PLPPR5: variants seen among roughly 807,000 people sequenced by gnomAD.
PLPPR5 encodes phospholipid phosphatase related 5.
PLPPR5 carries 16 observed loss-of-function variants against 33.9 expected under a neutral mutation model. The ratio of observed to expected loss-of-function variants is 0.47; its 90% confidence interval spans 0.32 to 0.72. PLPPR5 has a LOEUF of 0.72. Among genes scored for constraint, PLPPR5 ranks in the 30% least tolerant of loss-of-function variants. The pLI is 0.03. For missense variants in PLPPR5, 301 were observed against 406.7 expected (o/e 0.74, Z 2.23); for synonymous variants, 163 against 150.3 (o/e 1.08, Z -0.62).
chr1:98,983,176 C>T (rs1363143815), intron 1 of PLPPR5, among the ~76,000 whole-genome samples: 22 of 150,880 alleles, frequency 1.5e-4, no homozygotes, highest in Admixed American at 7.3e-4. Context: ...CATGCTGGTG[C>T]GCTGCACCCA....
chr1:98,957,873 A>T (rs1248878928), intron 1 of PLPPR5, among the ~76,000 whole-genome samples: 1 of 152,210 alleles, frequency 6.6e-6, no homozygotes, highest in Non-Finnish European at 1.5e-5. Context: ...TTATTAAAGG[A>T]CCTGGCTATC....
At chr1:98,941,475 G>A (rs887412478) in intron 3 of PLPPR5, among the ~76,000 whole-genome samples, 2 of 151,514 alleles carry the variant, frequency 1.3e-5, no homozygotes, top group African/African-American at 4.8e-5. Context: ...GTGAGAAAGT[G>A]TAAAATAGTC....
intron 5 of PLPPR5, among the ~76,000 whole-genome samples, chr1:98,905,801 C>A (rs182682446): frequency 2.0e-5 from 3 of 152,024 alleles, no homozygotes; most frequent in African/African-American, 7.2e-5. Context: ...TAAACATTTT[C>A]TGTACTTTTT....
intron 1 of PLPPR5, among the ~76,000 whole-genome samples, chr1:98,957,179 AC>A (rs1249433413): frequency 8.7e-6 from 1 of 114,286 alleles, no homozygotes; most frequent in African/African-American, 3.3e-5. Context: ...CACTCTGGGG[AC>A]TGTTGTGGGG....
intron 5 of PLPPR5, among the ~76,000 whole-genome samples, chr1:98,898,061 T>C (rs1648547598): frequency 6.6e-6 from 1 of 152,156 alleles, no homozygotes. Context: ...CGATCTTCAA[T>C]GCTCATATCC....
At chr1:98,919,337 C>A (rs1649467254) in intron 4 of PLPPR5, among the ~76,000 whole-genome samples, 1 of 152,168 alleles carries the variant, frequency 6.6e-6, no homozygotes, top group Non-Finnish European at 1.5e-5. Flanking sequence ...GGCATTGAGT[C>A]TGGGTGACTG....
At chr1:98,935,932 C>G (rs1288781158) in intron 3 of PLPPR5, among the ~76,000 whole-genome samples, 1 of 152,056 alleles carries the variant, frequency 6.6e-6, no homozygotes, top group African/African-American at 2.4e-5. Context: ...GGTAAGGGAC[C>G]TGGAATTCTG....
chr1:98,899,405 G>A (rs72728591), intron 5 of PLPPR5, among the ~76,000 whole-genome samples: 25,705 of 152,218 alleles, frequency 0.17, 2,420 homozygotes, highest in Non-Finnish European at 0.21. Context: ...GAGTACCACT[G>A]CCTAAAGGTG....
chr1:99,000,019 T>C (rs569764489), intron 1 of PLPPR5, among the ~76,000 whole-genome samples: 3 of 152,274 alleles, frequency 2.0e-5, no homozygotes, highest in South Asian at 2.1e-4. Flanking sequence ...TAAGGAACAA[T>C]AGCTGCTAGC....
intron 1 of PLPPR5, among the ~76,000 whole-genome samples, chr1:98,983,929 T>A (rs569657163): frequency 1.3e-5 from 2 of 149,916 alleles, no homozygotes; most frequent in African/African-American, 4.9e-5. Flanking sequence ...GCCCACTTTT[T>A]GATGGGTTGT....
intron 5 of PLPPR5, among the ~76,000 whole-genome samples, chr1:98,903,901 G>T (rs1480961165): frequency 2.6e-5 from 4 of 152,248 alleles, no homozygotes; most frequent in African/African-American, 9.6e-5. Flanking sequence ...CTACATTCCA[G>T]TTCACATTTC....
At chr1:98,950,861 AT>A (rs201660427) in intron 3 of PLPPR5, among the ~76,000 whole-genome samples, 3 of 150,520 alleles carry the variant, frequency 2.0e-5, no homozygotes, top group South Asian at 2.1e-4. Context: ...GGTTTTGCTT[AT>A]TTTTTTTTCT....
intron 3 of PLPPR5, among the ~76,000 whole-genome samples, chr1:98,952,458 C>T (rs1650826795): frequency 6.6e-6 from 1 of 152,020 alleles, no homozygotes. Flanking sequence ...ATGGGTAATG[C>T]ACTCACTCAC....
chr1:98,987,518 A>G (rs946584712), intron 1 of PLPPR5, among the ~76,000 whole-genome samples: 1 of 151,880 alleles, frequency 6.6e-6, no homozygotes, highest in African/African-American at 2.4e-5. Flanking sequence ...ATCTTTAACT[A>G]TGGTCATTTT....
chr1:98,985,018 T>C (rs901552621), intron 1 of PLPPR5, among the ~76,000 whole-genome samples: 1 of 152,076 alleles, frequency 6.6e-6, no homozygotes, highest in Non-Finnish European at 1.5e-5. Flanking sequence ...CCACTCAAAA[T>C]CCTTACAACA....
chr1:98,962,045 T>C (rs1052319934), intron 1 of PLPPR5, among the ~76,000 whole-genome samples: 19 of 152,208 alleles, frequency 1.2e-4, no homozygotes, highest in African/African-American at 4.1e-4. Flanking sequence ...AATCCATGTG[T>C]TCCTCCTGCT....
At chr1:98,978,272 G>A (rs1651936160) in intron 1 of PLPPR5, among the ~76,000 whole-genome samples, 1 of 151,932 alleles carries the variant, frequency 6.6e-6, no homozygotes, top group Non-Finnish European at 1.5e-5. Flanking sequence ...ATTTTCAATT[G>A]TATATTTCAA....
intron 1 of PLPPR5, among the ~76,000 whole-genome samples, chr1:98,970,920 A>G (rs1044927916): frequency 6.6e-6 from 1 of 152,160 alleles, no homozygotes; most frequent in African/African-American, 2.4e-5. Context: ...AAGAAAAGTT[A>G]AAACTTTTTA....
chr1:98,923,687 C>T (rs1181629539), intron 3 of PLPPR5, among the ~76,000 whole-genome samples: 1 of 152,158 alleles, frequency 6.6e-6, no homozygotes, highest in Non-Finnish European at 1.5e-5. Context: ...GAACTGTCTC[C>T]ATCTTGGCCT....
Sources: allele counts gnomAD v4.1 joint callset (sites outside exome capture counted in the v4.1 genomes callset), GRCh38; gene constraint gnomAD v4.1.1; transcripts MANE v1.5; gene names NCBI Gene and HGNC (gene_info 2026-07-23, HGNC 2026-07-21).